Variants in PSMA1 observed in about 807,000 individuals in gnomAD.
PSMA1 encodes the protein proteasome subunit alpha type-1.
PSMA1 carries 3 observed loss-of-function variants against 38.4 expected under a neutral mutation model. That is an observed-to-expected ratio of 0.08 (90% CI 0.04 to 0.20). PSMA1 has a LOEUF of 0.20. Among genes scored for constraint, PSMA1 ranks in the 10% least tolerant of loss-of-function variants. The pLI, the probability that PSMA1 is intolerant of heterozygous loss-of-function variation, is 1.00. For synonymous variants in PSMA1, 101 were observed against 107.1 expected (o/e 0.94, Z 0.35); for missense variants, 227 against 325.3 (o/e 0.70, Z 2.32).
rs34292683 is a variant in PSMA1, at chr11:14,616,231, G to GTTTTTTT, written c.-165-5087_-165-5081dup. Among the ~76,000 whole-genome samples the GTTTTTTT allele has an allele frequency of 3.2e-5, 4 of 126,686 alleles. 1 individual carries two copies. The highest frequency in any genetic ancestry group is 1.7e-5 in the Non-Finnish European group (1 of 60,256). 83.1% of individuals were successfully genotyped at this position (126,686 alleles called of 152,430 possible). On this transcript the variant is annotated intron_variant, in intron 1 of 10. Transcript: ENST00000418988. Reference sequence around the variant, plus strand: ...AGGTGAGAGTTGGAGGATCCCAACAGTTTTTTTTTTTTTTTTTTTTGAGAC... The same window carrying GTTTTTTT: ...AGGTGAGAGTTGGAGGATCCCAACAGTTTTTTTTTTTTTTTTTTTTTTTTTTTGAGAC...
At chr11:14,600,866 C>T (rs1852572682) in intron 2 of PSMA1, among the ~76,000 whole-genome samples, 1 of 152,234 alleles carries the variant, frequency 6.6e-6, no homozygotes, top group Non-Finnish European at 1.5e-5. Flanking sequence ...TCCTATTTGG[C>T]CATCTTGGAA....
intron 2 of PSMA1, among the ~76,000 whole-genome samples, chr11:14,567,760 G>C (rs1852089573): frequency 6.6e-6 from 1 of 152,098 alleles, no homozygotes; most frequent in African/African-American, 2.4e-5. Context: ...AGTCTATTTA[G>C]TGCCACGTTT....
chr11:14,510,838 G>T, intron 8 of PSMA1, 34 bp downstream of exon 8: 1 of 1,468,982 alleles, frequency 6.8e-7, no homozygotes, highest in Admixed American at 1.9e-5. Context: ...AAACTGTAAC[G>T]TTAATATCTA....
intron 2 of PSMA1, among the ~76,000 whole-genome samples, chr11:14,583,978 T>C (rs530488887): frequency 2.4e-4 from 36 of 152,298 alleles, no homozygotes; most frequent in Middle Eastern, 3.4e-3. Context: ...AGGGAGTGAT[T>C]ATCCCCAGCA....
At chr11:14,591,863 C>T (rs996126832) in intron 2 of PSMA1, among the ~76,000 whole-genome samples, 1 of 152,084 alleles carries the variant, frequency 6.6e-6, no homozygotes, top group African/African-American at 2.4e-5. Flanking sequence ...GCAACCCGCT[C>T]GGGTCCCCTT....
At chr11:14,598,102 T>G (rs946899716) in intron 2 of PSMA1, among the ~76,000 whole-genome samples, 1 of 152,242 alleles carries the variant, frequency 6.6e-6, no homozygotes, top group Non-Finnish European at 1.5e-5. Flanking sequence ...GATTGCACTG[T>G]GGTCTGAGAG....
chr11:14,508,351 T>G (rs902150199), intron 8 of PSMA1, among the ~76,000 whole-genome samples: 15 of 152,002 alleles, frequency 9.9e-5, no homozygotes, highest in Non-Finnish European at 1.9e-4. Context: ...ATTCTCTCCT[T>G]TCCCATTAAA....
At chr11:14,590,213 A>G (rs1308203207) in intron 2 of PSMA1, among the ~76,000 whole-genome samples, 1 of 152,196 alleles carries the variant, frequency 6.6e-6, no homozygotes. Flanking sequence ...AAGTTATTTA[A>G]TGGGTAGAGT....
intron 2 of PSMA1, among the ~76,000 whole-genome samples, chr11:14,533,805 G>T (rs982400701): frequency 6.6e-6 from 1 of 151,950 alleles, no homozygotes; most frequent in Non-Finnish European, 1.5e-5. Context: ...AGCAGTGTTT[G>T]CTTTTTGCCT....
chr11:14,635,395 G>C (rs76722679), intron 1 of PSMA1, among the ~76,000 whole-genome samples: 2,820 of 152,286 alleles, frequency 0.019, 84 homozygotes, highest in African/African-American at 0.065. Context: ...CCATGCTAGA[G>C]AGTTGTCACT....
At chr11:14,606,109 T>A (rs1852639364) in intron 2 of PSMA1, among the ~76,000 whole-genome samples, 1 of 152,252 alleles carries the variant, frequency 6.6e-6, no homozygotes, top group South Asian at 2.1e-4. Context: ...TAGCCAGCTA[T>A]CTCAGCACAA....
intron 2 of PSMA1, among the ~76,000 whole-genome samples, chr11:14,575,190 T>C (rs1366289823): frequency 6.6e-6 from 1 of 152,162 alleles, no homozygotes; most frequent in African/African-American, 2.4e-5. Context: ...TGTGGAACTT[T>C]GAACCTGGGG....
rs184340825 is a variant in PSMA1, at chr11:14,539,574, G to A, written c.22-20533C>T. 3.7e-3 allele frequency among the ~76,000 whole-genome samples: 558 copies of A among 151,836 alleles called. 16 individuals are homozygous for A. Among genetic ancestry groups the A allele is most frequent in the Non-Finnish European group, 1.5e-3 (101 of 67,942 alleles). On this transcript the variant is annotated intron_variant, in intron 2 of 10. Coordinates refer to the PSMA1 transcript ENST00000418988. Reference sequence around the variant, plus strand: ...AGAACAGGACCCACGGGCCGGGTGCGGTGGCTCACGCCTGTAATCCCAGCA... The same window carrying A: ...AGAACAGGACCCACGGGCCGGGTGCAGTGGCTCACGCCTGTAATCCCAGCA...
chr11:14,600,854 G>T (rs1191412636), intron 2 of PSMA1, among the ~76,000 whole-genome samples: 1 of 152,198 alleles, frequency 6.6e-6, no homozygotes, highest in Non-Finnish European at 1.5e-5. Flanking sequence ...GACAGGAGCT[G>T]TTCCTATTTG....
chr11:14,632,135 G>A (rs1185976458), intron 1 of PSMA1, among the ~76,000 whole-genome samples: 3 of 143,354 alleles, frequency 2.1e-5, no homozygotes, highest in Non-Finnish European at 3.0e-5. Context: ...GCCAGTCTGT[G>A]TCTTTTAATT....
At chr11:14,525,907 T>G (rs1391970844) in intron 2 of PSMA1, among the ~76,000 whole-genome samples, 1 of 152,186 alleles carries the variant, frequency 6.6e-6, no homozygotes. Context: ...TCTCACCTTA[T>G]TCAATATATT....
intron 1 of PSMA1, among the ~76,000 whole-genome samples, chr11:14,641,795 C>G (rs1853205860): frequency 6.6e-6 from 1 of 152,200 alleles, no homozygotes; most frequent in Admixed American, 6.5e-5. Context: ...GCTCTTGGCT[C>G]TTGCTCTTAT....
Position 14,508,568 on chromosome 11 carries a change from A to AAAAAAAAAAAAC in PSMA1, c.625-803_625-802insGTTTTTTTTTTT, listed in dbSNP as rs1176058061. On this transcript the variant is annotated intron_variant, in intron 8 of 9. Coordinates refer to ENST00000396394, the MANE Select transcript of PSMA1 (RefSeq NM_002786.4). ...CCAGTCACCACTCCATCTCAAAAAA[A>AAAAAAAAAAAAC]AAAAAAAAACCCAGATTGTAGGGGT... Among the ~76,000 whole-genome samples the AAAAAAAAAAAAC allele has an allele frequency of 4.0e-5, 6 of 149,226 alleles. 1 individual carries two copies. The highest frequency in any genetic ancestry group is 1.5e-4 in the African/African-American group (6 of 40,856).
intron 2 of PSMA1, among the ~76,000 whole-genome samples, chr11:14,571,934 T>A (rs1352938906): frequency 2.0e-5 from 3 of 151,970 alleles, no homozygotes; most frequent in Non-Finnish European, 4.4e-5. Flanking sequence ...TACATAATGG[T>A]AAAGGGATTA....
Sources: gnomAD v4.1 joint callset for allele counts (sites outside exome capture counted in the v4.1 genomes callset) on GRCh38, gnomAD v4.1.1 for gene constraint, MANE v1.5 for transcripts, NCBI Gene and HGNC (gene_info 2026-07-23, HGNC 2026-07-21) for gene names.